The following FBXW9 variants were observed in gnomAD, a reference collection of about 807,000 sequenced individuals.
The protein encoded by FBXW9 is F-box/WD repeat-containing protein 9.
FBXW9 carries 38 observed loss-of-function variants against 55.8 expected under a neutral mutation model. The observed-to-expected ratio is 0.68, with a 90% CI of 0.53 to 0.89. The LOEUF (loss-of-function observed/expected upper bound fraction) is 0.89. Ranked by LOEUF, FBXW9 falls within the 40% of genes least tolerant of loss-of-function variation. The pLI, the probability that FBXW9 is intolerant of heterozygous loss-of-function variation, is 0.00. For synonymous variants in FBXW9, 289 were observed against 278.2 expected (o/e 1.04, Z -0.38); for missense variants, 590 against 619.4 (o/e 0.95, Z 0.50).
chr19:12,691,080 T>C, intron 5 of FBXW9, 86 bp downstream of exon 5: 1 of 1,195,784 alleles, frequency 8.4e-7, no homozygotes, highest in Non-Finnish European at 1.2e-6. Flanking sequence ...GTTAAGTGAC[T>C]ATGACCCCAG....
intron 3 of FBXW9, among the ~76,000 whole-genome samples, chr19:12,691,898 C>T (rs1469563304): frequency 6.0e-5 from 9 of 150,252 alleles, no homozygotes; most frequent in East Asian, 2.0e-4. Flanking sequence ...TGGGATTACA[C>T]GCTTGTGCCA....
chr19:12,693,591 C>G, intron 3 of FBXW9, among the ~76,000 whole-genome samples: 3 of 105,814 alleles, frequency 2.8e-5, no homozygotes, highest in African/African-American at 1.8e-4. Context: ...CACACACACA[C>G]ACACACACAC....
In FBXW9 at chr19:12,689,572, A is replaced by G; in HGVS notation, c.1205T>C (p.Leu402Ser). ...GGTCTTGTCAGTGGATGTGGTGTAC[A>G]AGGCTCCCACGGAGTACTGGATCCC... Reference protein sequence around the residue: ...ITGIQYSVGALYTTSTDKTIR... With the variant: ...ITGIQYSVGASYTTSTDKTIR... The change falls in exon 8 of 10, where the codon TTG (leucine) becomes TCG (serine). Residue 402 changes from leucine to serine, a missense_variant. Transcript: ENST00000393261. This position sits in a 1 kb window ranked among gnomAD's most constrained non-coding sequence, Gnocchi z 5.9. 6.2e-7 allele frequency: 1 copy of G among 1,614,056 alleles called. No individual in the cohort carries two copies. Among genetic ancestry groups the G allele is most frequent in the Non-Finnish European group, 8.5e-7 (1 of 1,179,982 alleles).
chr19:12,695,411 T>C (rs1426456115), intron 1 of FBXW9, among the ~76,000 whole-genome samples: 1 of 152,204 alleles, frequency 6.6e-6, no homozygotes, highest in African/African-American at 2.4e-5. Flanking sequence ...TTCTGTGATA[T>C]GGACGGGGTC....
intron 3 of FBXW9, among the ~76,000 whole-genome samples, chr19:12,692,830 A>C (rs1230281111): frequency 2.0e-5 from 3 of 152,166 alleles, no homozygotes; most frequent in African/African-American, 2.4e-5. Context: ...ACCCTGGCCC[A>C]ATAACATTTC....
At chr19:12,693,131 C>T (rs1272278035) in intron 3 of FBXW9, among the ~76,000 whole-genome samples, 1 of 152,044 alleles carries the variant, frequency 6.6e-6, no homozygotes, top group Admixed American at 6.6e-5. Flanking sequence ...CAAGGTCACA[C>T]AGCCAGGAAG....
chr19:12,691,431 C>T lies in FBXW9; in HGVS notation c.702G>A (p.Ala234=), dbSNP rs369788335. The T allele has an allele frequency of 1.6e-5, 25 of 1,588,018 alleles. No individual in the cohort carries two copies. Among genetic ancestry groups the T allele is most frequent in the South Asian group, 2.3e-5 (2 of 88,204 alleles). ...AGCCGGAGCACACGCGGTGGTCCTG[C>T]GCTGCCAGTGACCACACCCAGCCCT... ...THEGWVWSLA[A]QDHRVCSGSW... The change falls in exon 4 of 10, where the codon GCG becomes GCA. Residue 234 remains alanine, a synonymous_variant. Transcript: ENST00000393261.
chr19:12,692,051 T>G (rs2025015796), intron 3 of FBXW9, among the ~76,000 whole-genome samples: 1 of 145,356 alleles, frequency 6.9e-6, no homozygotes, highest in Non-Finnish European at 1.5e-5. Context: ...CCACTGTGCC[T>G]GGCCCAGGAA....
At chr19:12,694,276 G>A (rs917503559) in intron 3 of FBXW9, among the ~76,000 whole-genome samples, 2 of 150,906 alleles carry the variant, frequency 1.3e-5, no homozygotes, top group African/African-American at 4.9e-5. Flanking sequence ...GGGAAGCAGA[G>A]GTTGCAGTGA....
In FBXW9 at chr19:12,694,639, C is replaced by G. The variant is rs369602757; in HGVS notation, c.633G>C (p.Gln211His). ...DLRQLGTESNQVLIKTLGTKR... is the reference protein window; with the variant it reads ...DLRQLGTESNHVLIKTLGTKR... ...TAGTGCCTAAGGTCTTGATCAGAACCTGGTTGGACTCCGTCCCCAGCTGCC... is the reference window on the plus strand; with the variant it reads ...TAGTGCCTAAGGTCTTGATCAGAACGTGGTTGGACTCCGTCCCCAGCTGCC... The change falls in exon 3 of 10, where the codon CAG becomes CAC. Residue 211 changes from glutamine (Q) to histidine (H), a missense_variant. Physicochemically the swap from Gln to His is conservative, Grantham distance 24. Transcript: ENST00000393261. 13 of 1,614,114 alleles carry G rather than the reference C, an allele frequency of 8.1e-6. No individual in the cohort carries two copies. The highest frequency in any genetic ancestry group is 1.6e-4 in the Middle Eastern group (1 of 6,084).
Position 12,691,453 on chromosome 19 carries a change from C to G in FBXW9, c.680G>C (p.Gly227Ala). The G allele has an allele frequency of 6.4e-7, 1 of 1,567,002 alleles. No individual in the cohort carries two copies. The highest frequency in any genetic ancestry group is 8.6e-7 in the Non-Finnish European group (1 of 1,157,690). Residue 227 changes from glycine to alanine, a missense_variant and splice_region_variant, in exon 4 of 10, where the codon GGC (glycine) becomes GCC (alanine). Gly to Ala is a moderately conservative substitution (Grantham distance 60, BLOSUM62 0). Coordinates refer to ENST00000393261, the MANE Select transcript of FBXW9 (RefSeq NM_032301.3). ...LGTKRNSTHEGWVWSLAAQDH... is the reference protein window; with the variant it reads ...LGTKRNSTHEAWVWSLAAQDH... ...CTGCGCTGCCAGTGACCACACCCAG[C>G]CCTGCAGGACAGGAGCAGCAGTCAC...
In FBXW9 at chr19:12,689,991, G is replaced by A. The variant is rs545898961; in HGVS notation, c.1003C>T (p.Arg335Ter). ...AGACGCTGCAGGACGCTGTTGGCTC[G>A]GCGGTCCACCACCACCAGGGTGTGG... ...EDHTLVVVDRRANSVLQRLQL... is the reference protein window; with the variant it reads ...EDHTLVVVDR Residue 335 changes from arginine (R) to a stop codon, truncating the protein, a stop_gained, in exon 6 of 10, where the codon CGA (arginine) becomes TGA (stop). Coordinates refer to ENST00000393261, the MANE Select transcript of FBXW9 (RefSeq NM_032301.3). LOFTEE classifies it high-confidence loss of function. This position sits in a 1 kb window ranked among gnomAD's most constrained non-coding sequence, Gnocchi z 5.9. The A allele has an allele frequency of 2.9e-5, 47 of 1,613,784 alleles. No individual in the cohort carries two copies. Among genetic ancestry groups the A allele is most frequent in the East Asian group, 1.6e-4 (7 of 44,856 alleles).
intron 3 of FBXW9, among the ~76,000 whole-genome samples, chr19:12,693,619 G>T: frequency 8.1e-6 from 1 of 124,168 alleles, no homozygotes; most frequent in African/African-American, 3.3e-5. Context: ...AAAGAAATTA[G>T]CTGGGCATGG....
rs771632715 is a variant in FBXW9, at chr19:12,694,842, G to C, written c.506C>G (p.Ala169Gly). ...DGRWVEYFCL[A>G]EGHVASVDSV... ...GTCAACGGAAGCCACGTGGCCTTCG[G>C]CCAGGCAGAAGTATTCGACCCAGCG... Residue 169 changes from alanine (A) to glycine (G), a missense_variant, in exon 2 of 10, where the codon GCC (alanine) becomes GGC (glycine). Physicochemically the swap from Ala to Gly is moderately conservative, Grantham distance 60. Coordinates refer to ENST00000393261, the MANE Select transcript of FBXW9 (RefSeq NM_032301.3). The C allele has an allele frequency of 1.2e-6, 2 of 1,614,082 alleles. No homozygotes were observed. Among genetic ancestry groups the C allele is most frequent in the East Asian group, 2.2e-5 (1 of 44,888 alleles).
chr19:12,692,646 C>T (rs1272702967), intron 3 of FBXW9, among the ~76,000 whole-genome samples: 3 of 152,104 alleles, frequency 2.0e-5, no homozygotes, highest in South Asian at 2.1e-4. Context: ...CTCGGCCTCC[C>T]GAGTCGCTGG....
intron 3 of FBXW9, among the ~76,000 whole-genome samples, chr19:12,693,135 C>T (rs10404612): frequency 6.6e-6 from 1 of 151,988 alleles, no homozygotes; most frequent in South Asian, 2.1e-4. Context: ...GTCACACAGC[C>T]AGGAAGCAGC....
At position 12,691,202 on chromosome 19, in the gene FBXW9, T is replaced by A. The variant is rs1260987202; in HGVS notation, c.847A>T (p.Thr283Ser). The A allele has an allele frequency of 6.2e-7, 1 of 1,614,180 alleles. No homozygotes were observed. The highest frequency in any genetic ancestry group is 1.7e-5 in the Admixed American group (1 of 60,020). ...SYLPDILVTG[T>S]YDKKVTIYDP... ...TAGATGGTCACCTTCTTGTCATAGG[T>A]GCCAGTCACCAGGATGTCAGGCAGG... The change falls in exon 5 of 10, where the codon ACC becomes TCC. Residue 283 changes from threonine to serine, a missense_variant. By Grantham distance (58) the Thr-to-Ser change is moderately conservative. Coordinates refer to ENST00000393261, the MANE Select transcript of FBXW9 (RefSeq NM_032301.3).
In FBXW9 at chr19:12,690,049, C is replaced by G; in HGVS notation, c.945G>C (p.Ala315=). ...TGCCTGAGATGATGTGCCGGTCATC[C>G]GCCAGCAGGGTCAGCACGGGTCTGG... is the stretch of plus-strand genomic sequence containing the variant. ...LHSRPVLTLL[A]DDRHIISGSE... is the part of the protein sequence containing the mutation. The change falls in exon 6 of 10, where the codon GCG becomes GCC. Residue 315 remains alanine, a synonymous_variant. Transcript: ENST00000393261. The G allele has an allele frequency of 6.2e-7, 1 of 1,614,078 alleles. No individual in the cohort carries two copies. The highest frequency in any genetic ancestry group is 8.5e-7 in the Non-Finnish European group (1 of 1,180,034).
chr19:12,696,100 C>A, intron 1 of FBXW9, 73 bp downstream of exon 1: 1 of 1,403,812 alleles, frequency 7.1e-7, no homozygotes, highest in Non-Finnish European at 9.4e-7. Context: ...ACCCCATGTA[C>A]CTCTTCCCCG....
Sources: gnomAD v4.1 joint callset for allele counts (sites outside exome capture counted in the v4.1 genomes callset) on GRCh38, gnomAD v4.1.1 for gene constraint, Gnocchi (gnomAD v3.1) non-coding constraint, MANE v1.5 for transcripts, NCBI Gene and HGNC (gene_info 2026-07-23, HGNC 2026-07-21) for gene names.